Variants in TOX2 observed in about 807,000 individuals in gnomAD.
TOX2 encodes the protein granulosa cell HMG box 1.
Under a neutral mutation model 47.4 loss-of-function variants are expected in TOX2, and 15 were observed. The observed-to-expected ratio is 0.32, with a 90% CI of 0.21 to 0.49. TOX2 has a LOEUF of 0.49. Ranked by LOEUF, TOX2 falls within the 20% of genes least tolerant of loss-of-function variation. The pLI is 0.99. For missense variants in TOX2, 622 were observed against 673.1 expected (o/e 0.92, Z 0.84); for synonymous variants, 290 against 296.6 (o/e 0.98, Z 0.23).
chr20:43,924,896 C>T lies in TOX2; in HGVS notation c.99+9906C>T, dbSNP rs569536903. On this transcript the variant is annotated intron_variant, in intron 1 of 8. Coordinates refer to ENST00000341197, the MANE Select transcript of TOX2 (RefSeq NM_001098797.2). ...CTTCTCCACACACAGCCCTGTGTCC[C>T]GGGGTGTCCACTGAAAAGGGAGTGG... Among the ~76,000 whole-genome samples, 30 of 152,352 alleles carry T rather than the reference C, an allele frequency of 2.0e-4. No homozygotes were observed. In the South Asian group the frequency reaches 6.0e-3, roughly 30 times the overall value.
chr20:43,957,592 TAAAC>T (rs1233484143), intron 1 of TOX2, among the ~76,000 whole-genome samples: 3 of 149,830 alleles, frequency 2.0e-5, no homozygotes, highest in Non-Finnish European at 4.4e-5. Flanking sequence ...TTTTTTGGCT[TAAAC>T]AAATATTTAT....
chr20:43,996,566 T>A (rs370559981), intron 2 of TOX2, among the ~76,000 whole-genome samples: 15 of 152,290 alleles, frequency 9.8e-5, no homozygotes, highest in Admixed American at 8.5e-4. Context: ...CATTTTTCCC[T>A]TTTGAACCTC....
At chr20:43,976,642 A>T (rs1479395936) in intron 2 of TOX2, among the ~76,000 whole-genome samples, 2 of 152,240 alleles carry the variant, frequency 1.3e-5, no homozygotes, top group Non-Finnish European at 1.5e-5. Flanking sequence ...TTGAAAAATA[A>T]CTTAGACTTT....
At position 44,031,346 on chromosome 20, in the gene TOX2, G is replaced by A. The variant is rs534771400; in HGVS notation, c.412-19960G>A. ...ACTCCTCTGCAATGCCACTTTCCCC[G>A]TTCACTGGAAGGGGTGAGATACTTG... is the stretch of plus-strand genomic sequence containing the variant. On this transcript the variant is annotated intron_variant, in intron 3 of 8. Transcript: ENST00000341197. Among the ~76,000 whole-genome samples, 9 of 152,308 alleles carry A rather than the reference G, an allele frequency of 5.9e-5. No individual in the cohort carries two copies. In the South Asian group the frequency reaches 8.3e-4, roughly 14 times the overall value.
intron 2 of TOX2, among the ~76,000 whole-genome samples, chr20:43,988,700 G>A (rs2070315261): frequency 6.6e-6 from 1 of 152,198 alleles, no homozygotes; most frequent in Non-Finnish European, 1.5e-5. Flanking sequence ...GCTAATATCT[G>A]GTGATGAACA....
chr20:43,981,915 G>A (rs1442132115), intron 2 of TOX2, among the ~76,000 whole-genome samples: 1 of 150,468 alleles, frequency 6.6e-6, no homozygotes, highest in Non-Finnish European at 1.5e-5. Context: ...ATGAGATGAA[G>A]ATTCCATAGA....
intron 5 of TOX2, among the ~76,000 whole-genome samples, chr20:44,062,380 A>AAATT (rs1555848504): frequency 6.8e-6 from 1 of 146,010 alleles, no homozygotes; most frequent in East Asian, 2.0e-4. Context: ...ATAAATAAAT[A>AAATT]AATAAATAAA....
intron 2 of TOX2, among the ~76,000 whole-genome samples, chr20:43,986,650 TCTGGAGGAACCAGTA>T (rs2070272636): frequency 6.6e-6 from 1 of 152,088 alleles, no homozygotes; most frequent in Non-Finnish European, 1.5e-5. Flanking sequence ...TTGAGAAGGA[TCTGGAGGAACCAGTA>T]CCCTCACTCA....
intron 3 of TOX2, among the ~76,000 whole-genome samples, chr20:44,038,399 C>T (rs1600768219): frequency 1.3e-5 from 2 of 152,102 alleles, no homozygotes; most frequent in African/African-American, 4.8e-5. Flanking sequence ...ATTAAGGAGA[C>T]GTTTCTGAAC....
intron 3 of TOX2, among the ~76,000 whole-genome samples, chr20:44,030,843 C>T (rs1432254027): frequency 6.6e-6 from 1 of 152,196 alleles, no homozygotes; most frequent in Non-Finnish European, 1.5e-5. Context: ...AGAGCTGGGA[C>T]AAACTACTCA....
intron 3 of TOX2, among the ~76,000 whole-genome samples, chr20:44,031,541 C>T (rs539367964): frequency 6.6e-6 from 1 of 152,250 alleles, no homozygotes; most frequent in East Asian, 1.9e-4. Context: ...TCCTGTGGCT[C>T]ATTGACCGCC....
chr20:43,974,032 G>T (rs1042377010), intron 2 of TOX2, among the ~76,000 whole-genome samples: 5 of 152,170 alleles, frequency 3.3e-5, no homozygotes, highest in Admixed American at 3.3e-4. Flanking sequence ...TGAGAGCCTG[G>T]TCTCTGAAAA....
At chr20:44,012,189 G>A (rs775421586) in intron 3 of TOX2, among the ~76,000 whole-genome samples, 2 of 152,184 alleles carry the variant, frequency 1.3e-5, no homozygotes, top group African/African-American at 4.8e-5. Flanking sequence ...AAAGAAACTC[G>A]AAGAGTGGAA....
rs544961050 is a variant in TOX2 at position 44,046,878 on chromosome 20, A to G, written c.412-4428A>G. On this transcript the variant is annotated intron_variant, in intron 3 of 8. Transcript: ENST00000341197. ...CTGTGACATGCAATTTGTCTCTATAACAAACCTTCACATATACCCCTGAAC... is the reference window on the plus strand; with the variant it reads ...CTGTGACATGCAATTTGTCTCTATAGCAAACCTTCACATATACCCCTGAAC... Among the ~76,000 whole-genome samples, 341 of 152,326 alleles carry G rather than the reference A, an allele frequency of 2.2e-3. 1 individual carries two copies. The highest frequency in any genetic ancestry group is 7.9e-3 in the African/African-American group (327 of 41,578).
At chr20:43,946,934 G>A (rs1034552430) in intron 1 of TOX2, among the ~76,000 whole-genome samples, 1 of 152,196 alleles carries the variant, frequency 6.6e-6, no homozygotes, top group Non-Finnish European at 1.5e-5. Flanking sequence ...TCGTGCATGT[G>A]TGTCCCAGCA....
At chr20:43,995,578 T>C (rs1284343764) in intron 2 of TOX2, among the ~76,000 whole-genome samples, 2 of 152,170 alleles carry the variant, frequency 1.3e-5, no homozygotes, top group African/African-American at 2.4e-5. Context: ...GGTAAGCTTG[T>C]GTCGTGGGGA....
chr20:43,947,568 T>C (rs939439153), intron 1 of TOX2, among the ~76,000 whole-genome samples: 1 of 151,890 alleles, frequency 6.6e-6, no homozygotes, highest in Non-Finnish European at 1.5e-5. Context: ...TGGAATCTGT[T>C]TGGGGAGCTT....
chr20:44,033,005 T>C (rs1388740431), intron 3 of TOX2, among the ~76,000 whole-genome samples: 1 of 152,194 alleles, frequency 6.6e-6, no homozygotes, highest in East Asian at 1.9e-4. Context: ...TATGCTATTA[T>C]TATAGTCGTT....
intron 3 of TOX2, among the ~76,000 whole-genome samples, chr20:44,032,272 C>T (rs773481712): frequency 3.7e-4 from 56 of 152,358 alleles, no homozygotes; most frequent in Non-Finnish European, 6.9e-4. Context: ...CTCAGCACTA[C>T]TGACATTTTG....
Sources: gnomAD v4.1 joint callset for allele counts (sites outside exome capture counted in the v4.1 genomes callset) on GRCh38, gnomAD v4.1.1 for gene constraint, MANE v1.5 for transcripts, NCBI Gene and HGNC (gene_info 2026-07-23, HGNC 2026-07-21) for gene names.